Variants in DNAI3 observed in about 807,000 individuals in gnomAD.
DNAI3 encodes the protein WD repeat domain 63.
A neutral mutation model predicts 115.5 loss-of-function variants in DNAI3; 83 were observed. The observed-to-expected ratio is 0.72, with a 90% CI of 0.60 to 0.86. DNAI3 has a LOEUF of 0.86. Ranked by LOEUF, DNAI3 falls within the 40% of genes least tolerant of loss-of-function variation. The pLI is 0.00. For synonymous variants in DNAI3, 320 were observed against 347.0 expected, an observed-to-expected ratio of 0.92 and a Z score of 0.86; for missense variants, 1,004 against 1,075.8, an observed-to-expected ratio of 0.93 and a Z score of 0.93.
chr1:85,132,131 C>T (rs1275320686), intron 22 of DNAI3, among the ~76,000 whole-genome samples: 1 of 152,196 alleles, frequency 6.6e-6, no homozygotes, highest in African/African-American at 2.4e-5. Flanking sequence ...TCCTTCTAAG[C>T]AACGGCTGAT....
intron 16 of DNAI3, among the ~76,000 whole-genome samples, chr1:85,115,663 A>G (rs1288705141): frequency 6.7e-6 from 1 of 150,334 alleles, no homozygotes; most frequent in Non-Finnish European, 1.5e-5. Flanking sequence ...TGCACCAGGG[A>G]CCAGTTTTGT....
At chr1:85,081,965 G>T (rs1043535155) in intron 4 of DNAI3, among the ~76,000 whole-genome samples, 2 of 152,222 alleles carry the variant, frequency 1.3e-5, no homozygotes, top group Non-Finnish European at 2.9e-5. Flanking sequence ...ACTAGAATAT[G>T]AATCTATCCT....
Position 85,082,414 on chromosome 1 carries a change from C to T in DNAI3, c.390+10C>T, listed in dbSNP as rs766935878. Reference sequence around the variant, plus strand: ...AGAAAACTATTTAAATGTGAGCAAACCCCAAGCCCTTGTAATTTGTTTGTT... The same window carrying T: ...AGAAAACTATTTAAATGTGAGCAAATCCCAAGCCCTTGTAATTTGTTTGTT... On this transcript the variant is annotated intron_variant, in intron 5 of 22. Transcript: ENST00000294664. The T allele has an allele frequency of 6.3e-7, 1 of 1,593,062 alleles. No homozygotes were observed. Among genetic ancestry groups the T allele is most frequent in the Admixed American group, 1.7e-5 (1 of 59,600 alleles).
chr1:85,107,745 TG>T (rs1271868801), intron 14 of DNAI3, among the ~76,000 whole-genome samples: 3 of 152,216 alleles, frequency 2.0e-5, no homozygotes, highest in African/African-American at 7.2e-5. Context: ...GGATGAATGT[TG>T]TAGTATATGA....
intron 2 of DNAI3, among the ~76,000 whole-genome samples, chr1:85,072,782 C>T (rs1024598229): frequency 3.3e-5 from 5 of 151,484 alleles, no homozygotes; most frequent in East Asian, 1.9e-4. Flanking sequence ...GGTGAAACCC[C>T]GTCTCTACTA....
At chr1:85,089,934 G>T (rs1173524483) in intron 7 of DNAI3, among the ~76,000 whole-genome samples, 182 bp from the exon 8 acceptor site, 1 of 152,064 alleles carries the variant, frequency 6.6e-6, no homozygotes, top group Non-Finnish European at 1.5e-5. Flanking sequence ...AGAAATTCAT[G>T]TAGCCTTTGA....
intron 12 of DNAI3, 99 bp from the exon 13 acceptor site, chr1:85,098,431 T>C (rs1275339342): frequency 7.1e-7 from 1 of 1,407,530 alleles, no homozygotes; most frequent in African/African-American, 1.4e-5. Flanking sequence ...AACTGGTATA[T>C]CTCTAAATTG....
chr1:85,110,450 C>T (rs548249232), intron 16 of DNAI3, among the ~76,000 whole-genome samples: 24 of 138,258 alleles, frequency 1.7e-4, no homozygotes, highest in Admixed American at 4.4e-4. Context: ...GACTCCATCT[C>T]AAATAAATAA....
Position 85,095,946 on chromosome 1 carries a change from C to T in DNAI3, c.1189C>T (p.Pro397Ser). The T allele has an allele frequency of 1.2e-6, 2 of 1,613,832 alleles. No homozygotes were observed. Among genetic ancestry groups the T allele is most frequent in the Non-Finnish European group, 1.7e-6 (2 of 1,179,846 alleles). Residue 397 changes from proline (P) to serine (S), a missense_variant, in exon 11 of 23, where the codon CCA (proline) becomes TCA (serine). Physicochemically the swap from Pro to Ser is moderately conservative, Grantham distance 74. Around this residue, in one of 3 missense-constraint regions of DNAI3, gnomAD observed 550 missense variants for 568.1 expected, o/e 0.97. Transcript: ENST00000294664. Reference protein sequence around the residue: ...PIHPQLMLESPDDIFCFKFCP... With the variant: ...PIHPQLMLESSDDIFCFKFCP... Reference sequence around the variant, plus strand: ...TTTACTTTAGTTAATGCTGGAGAGCCCAGATGACATCTTCTGCTTCAAGTT... The same window carrying T: ...TTTACTTTAGTTAATGCTGGAGAGCTCAGATGACATCTTCTGCTTCAAGTT...
At chr1:85,106,178 T>C (rs950241294) in intron 14 of DNAI3, among the ~76,000 whole-genome samples, 6 of 152,206 alleles carry the variant, frequency 3.9e-5, no homozygotes, top group Non-Finnish European at 5.9e-5. Flanking sequence ...ACTCTGTGTA[T>C]GTTATTTTCA....
chr1:85,108,195 T>G lies in DNAI3; in HGVS notation c.1698+18T>G. 1 of 1,570,782 alleles carries G rather than the reference T, an allele frequency of 6.4e-7. No individual in the cohort carries two copies. The highest frequency in any genetic ancestry group is 1.2e-5 in the South Asian group (1 of 81,696). ...TCACTAAGGTAAGTAATGTGGGGTT[T>G]TTAGTCCATCCTGCTTGCATAATAC... On this transcript the variant is annotated intron_variant, in intron 15 of 22. Transcript: ENST00000294664.
chr1:85,094,474 CAG>C lies in DNAI3; in HGVS notation c.1095_1096del (p.Arg365SerfsTer6). 2 of 1,614,184 alleles carry C rather than the reference CAG, an allele frequency of 1.2e-6. No homozygotes were observed. The highest frequency in any genetic ancestry group is 1.7e-6 in the Non-Finnish European group (2 of 1,180,026). On this transcript the variant is annotated frameshift_variant, in exon 10 of 23. Coordinates refer to ENST00000294664, the MANE Select transcript of DNAI3 (RefSeq NM_145172.5). LOFTEE classifies it high-confidence loss of function. The part of the protein sequence containing the change: ...SVAVRLSFED[R>X]VHFSGKLLLQ... ...TAGCCGTGCGACTTTCTTTTGAAGA[CAG>C]AGTTCACTTTTCTGGTAAATTATTG... is the stretch of plus-strand genomic sequence containing the variant.
At chr1:85,115,355 A>G (rs1655785276) in intron 16 of DNAI3, among the ~76,000 whole-genome samples, 1 of 152,244 alleles carries the variant, frequency 6.6e-6, no homozygotes, top group Admixed American at 6.5e-5. Flanking sequence ...TCTAAGCCTC[A>G]GTTTACTCAT....
chr1:85,087,421 C>T (rs981728043), intron 7 of DNAI3, among the ~76,000 whole-genome samples: 2 of 108,276 alleles, frequency 1.8e-5, no homozygotes, highest in Admixed American at 1.5e-4. Flanking sequence ...GGTGATAGAG[C>T]TAGACTCCAT....
In DNAI3 at chr1:85,118,608, G is replaced by T. The variant is rs377276264; in HGVS notation, c.1917+749G>T. ...GAATGCAATCTTCATCCACACTTTG[G>T]TATGAAGAGGAAAGCAATCAATTCC... is the stretch of plus-strand genomic sequence containing the variant. On this transcript the variant is annotated intron_variant, in intron 17 of 22. Transcript: ENST00000294664. Among the ~76,000 whole-genome samples the T allele has an allele frequency of 2.6e-5, 4 of 152,282 alleles. No homozygotes were observed. The East Asian group carries it at 5.8e-4, about 22-fold the overall frequency.
At chr1:85,104,492 A>T (rs1655427249) in intron 13 of DNAI3, 32 bp from the exon 14 acceptor site, 2 of 1,580,060 alleles carry the variant, frequency 1.3e-6, no homozygotes, top group Non-Finnish European at 1.7e-6. Flanking sequence ...TGAGAAAAAC[A>T]ATTTTATTTC....
rs1471549577 is a variant in DNAI3, at chr1:85,117,776, C to T, written c.1834C>T (p.Pro612Ser). The T allele has an allele frequency of 1.2e-6, 2 of 1,613,702 alleles. No individual in the cohort carries two copies. Among genetic ancestry groups the T allele is most frequent in the African/African-American group, 2.7e-5 (2 of 74,906 alleles). ...AACAGAGAAGGCAGAAGAAATGAAC[C>T]CGTATCATAATCTGGAAAGTGGGAT... ...SKTEKAEEMN[P>S]YHNLESGMAN... Residue 612 changes from proline (P) to serine (S), a missense_variant, in exon 17 of 23, where the codon CCG becomes TCG. Coordinates refer to ENST00000294664, the MANE Select transcript of DNAI3 (RefSeq NM_145172.5).
At chr1:85,073,676 C>T (rs1337957357) in intron 3 of DNAI3, among the ~76,000 whole-genome samples, 1 of 152,128 alleles carries the variant, frequency 6.6e-6, no homozygotes, top group African/African-American at 2.4e-5. Context: ...CCTAAAAGCC[C>T]TGTAGGCCAC....
intron 3 of DNAI3, among the ~76,000 whole-genome samples, chr1:85,075,483 C>T (rs995225416): frequency 5.3e-5 from 8 of 152,118 alleles, no homozygotes; most frequent in African/African-American, 1.7e-4. Flanking sequence ...TTAGCATCCC[C>T]TTCTCCTCAA....
Sources: gnomAD v4.1 joint callset for allele counts (sites outside exome capture counted in the v4.1 genomes callset) on GRCh38, gnomAD v4.1.1 for gene constraint, gnomAD v4.1.1 regional missense constraint, MANE v1.5 for transcripts, NCBI Gene and HGNC (gene_info 2026-07-23, HGNC 2026-07-21) for gene names.